ADAMTSL3: variants seen among roughly 807,000 people sequenced by gnomAD.
The protein encoded by ADAMTSL3 is ADAMTS-like protein 3.
A neutral mutation model predicts 201.7 loss-of-function variants in ADAMTSL3; 128 were observed. The observed-to-expected ratio is 0.63, with a 90% CI of 0.55 to 0.73. ADAMTSL3 has a LOEUF of 0.73. Ranked by LOEUF, ADAMTSL3 falls within the 30% of genes least tolerant of loss-of-function variation. The probability of loss-of-function intolerance (pLI) is 0.00; values close to 1 mark genes in which losing one functional copy is unlikely to be tolerated. For missense variants in ADAMTSL3, 1,990 were observed against 2,119.6 expected, an observed-to-expected ratio of 0.94 and a Z score of 1.20; for synonymous variants, 738 against 748.4, an observed-to-expected ratio of 0.99 and a Z score of 0.23.
chr15:83,699,215 C>T (rs867582103), intron 2 of ADAMTSL3, among the ~76,000 whole-genome samples: 6 of 152,088 alleles, frequency 3.9e-5, no homozygotes, highest in African/African-American at 9.7e-5. Context: ...TATTGAATGG[C>T]AAACTCAAGC....
chr15:83,826,358 AG>A (rs2064021876), intron 6 of ADAMTSL3, among the ~76,000 whole-genome samples: 1 of 151,912 alleles, frequency 6.6e-6, no homozygotes, highest in Non-Finnish European at 1.5e-5. Context: ...CCTGGCTTCA[AG>A]CAACTTTCCT....
intron 26 of ADAMTSL3, 151 bp from the exon 27 acceptor site, chr15:84,025,087 G>C: frequency 1.7e-6 from 1 of 577,332 alleles, no homozygotes; most frequent in Non-Finnish European, 2.9e-6. Flanking sequence ...AAAAAGGCTG[G>C]GAGTCATCTG....
intron 17 of ADAMTSL3, among the ~76,000 whole-genome samples, chr15:83,931,519 A>G (rs2066355088): frequency 6.6e-6 from 1 of 152,230 alleles, no homozygotes; most frequent in African/African-American, 2.4e-5. Context: ...TCCAATTGTC[A>G]TCCAAATATG....
intron 7 of ADAMTSL3, among the ~76,000 whole-genome samples, chr15:83,845,726 G>A (rs907083881): frequency 6.6e-6 from 1 of 152,146 alleles, no homozygotes; most frequent in African/African-American, 2.4e-5. Flanking sequence ...TTAATAAAGG[G>A]CTTGACAGTG....
intron 3 of ADAMTSL3, among the ~76,000 whole-genome samples, chr15:83,708,038 A>T (rs2061877896): frequency 6.6e-6 from 1 of 152,218 alleles, no homozygotes; most frequent in Non-Finnish European, 1.5e-5. Flanking sequence ...AAGTAGGTAC[A>T]GGGTCTGTGT....
At chr15:83,716,374 A>G (rs1176033574) in intron 3 of ADAMTSL3, among the ~76,000 whole-genome samples, 1 of 151,718 alleles carries the variant, frequency 6.6e-6, no homozygotes, top group Non-Finnish European at 1.5e-5. Flanking sequence ...CAAATTAGCT[A>G]GGCATGGCGG....
intron 2 of ADAMTSL3, among the ~76,000 whole-genome samples, chr15:83,676,506 G>A (rs886626137): frequency 6.6e-5 from 10 of 152,112 alleles, no homozygotes; most frequent in African/African-American, 2.2e-4. Flanking sequence ...GTGAAACCCC[G>A]TCTCTGCTAA....
chr15:83,708,627 A>G (rs2061887914), intron 3 of ADAMTSL3, among the ~76,000 whole-genome samples: 1 of 152,242 alleles, frequency 6.6e-6, no homozygotes, highest in Non-Finnish European at 1.5e-5. Flanking sequence ...ATCTAACAGA[A>G]CTATTTAACG....
At chr15:83,937,246 C>G (rs1305106808) in intron 17 of ADAMTSL3, among the ~76,000 whole-genome samples, 1 of 150,802 alleles carries the variant, frequency 6.6e-6, no homozygotes, top group African/African-American at 2.5e-5. Context: ...ATAGCAAAGA[C>G]ATGAAATCAA....
At chr15:83,819,147 G>A (rs12442613) in intron 5 of ADAMTSL3, among the ~76,000 whole-genome samples, 22,171 of 151,380 alleles carry the variant, frequency 0.15, 2,181 homozygotes, top group Middle Eastern at 0.28. Flanking sequence ...GCGGGCGCCT[G>A]TAGTCCCAGC....
chr15:83,702,051 A>G (rs1004453207), intron 2 of ADAMTSL3, among the ~76,000 whole-genome samples: 5 of 152,186 alleles, frequency 3.3e-5, no homozygotes, highest in African/African-American at 1.2e-4. Flanking sequence ...TCTCAGATAG[A>G]GATGAGGAAC....
rs558068285 is a variant in ADAMTSL3 at position 83,961,472 on chromosome 15, G to A, written c.2491-9012G>A. The A allele has an allele frequency of 2.0e-5, 3 of 152,304 alleles. No individual in the cohort carries two copies. In the East Asian group the frequency reaches 5.8e-4, roughly 29 times the overall value. The allele number at this position is 152,304 out of a possible 1,614,324, so 9.4% of individuals were successfully genotyped here. A position where few individuals can be genotyped will look rare whatever the true frequency, so the allele number is the denominator to read the frequency against. On this transcript the variant is annotated intron_variant, in intron 19 of 29. Coordinates refer to ENST00000286744, the MANE Select transcript of ADAMTSL3 (RefSeq NM_207517.3). ...TCTGCAAGTCATAATAGCACAGCAT[G>A]CGCCACTAAGCCTGTGTAAGATGCT...
At chr15:83,787,647 T>C (rs985426831) in intron 4 of ADAMTSL3, among the ~76,000 whole-genome samples, 1 of 152,222 alleles carries the variant, frequency 6.6e-6, no homozygotes, top group African/African-American at 2.4e-5. Flanking sequence ...GGGCAACTAC[T>C]GTTAACAATT....
intron 2 of ADAMTSL3, among the ~76,000 whole-genome samples, chr15:83,667,050 T>A (rs1168988594): frequency 2.0e-5 from 3 of 152,098 alleles, no homozygotes; most frequent in South Asian, 2.1e-4. Flanking sequence ...CATTAAAAAA[T>A]TTTAAGTAGT....
At chr15:84,034,176 T>C (rs1460631171) in intron 28 of ADAMTSL3, among the ~76,000 whole-genome samples, 1 of 152,108 alleles carries the variant, frequency 6.6e-6, no homozygotes, top group Non-Finnish European at 1.5e-5. Flanking sequence ...GGGTTTCTTC[T>C]GCAGTGTTTT....
intron 10 of ADAMTSL3, among the ~76,000 whole-genome samples, chr15:83,889,519 AC>A (rs1196520810): frequency 1.3e-5 from 2 of 152,216 alleles, no homozygotes; most frequent in African/African-American, 4.8e-5. Flanking sequence ...AAACAGATAC[AC>A]AAAAAAACAA....
intron 4 of ADAMTSL3, among the ~76,000 whole-genome samples, chr15:83,803,433 T>C (rs1230514860): frequency 2.0e-5 from 3 of 152,182 alleles, no homozygotes; most frequent in Admixed American, 1.3e-4. Flanking sequence ...TAATAACAAT[T>C]GAAATAGTAT....
At chr15:83,895,388 C>A (rs1050523205) in intron 13 of ADAMTSL3, among the ~76,000 whole-genome samples, 1 of 152,130 alleles carries the variant, frequency 6.6e-6, no homozygotes, top group African/African-American at 2.4e-5. Flanking sequence ...TTTATGTTGG[C>A]TTTAGAGCTT....
intron 2 of ADAMTSL3, among the ~76,000 whole-genome samples, chr15:83,687,175 G>C (rs1184244973): frequency 6.6e-6 from 1 of 152,170 alleles, no homozygotes; most frequent in Non-Finnish European, 1.5e-5. Context: ...CTGCACTTCA[G>C]CCTGGGCCGC....
Sources: gnomAD v4.1 joint callset for allele counts (sites outside exome capture counted in the v4.1 genomes callset) on GRCh38, gnomAD v4.1.1 for gene constraint, MANE v1.5 for transcripts, NCBI Gene and HGNC (gene_info 2026-07-23, HGNC 2026-07-21) for gene names.